Variants in ZNF638 observed in about 807,000 individuals in gnomAD.
ZNF638 encodes the protein CTCL tumor antigen se33-1.
A neutral mutation model predicts 195.6 loss-of-function variants in ZNF638; 46 were observed. The observed-to-expected ratio is 0.24, with a 90% CI of 0.19 to 0.30. ZNF638 has a LOEUF of 0.30. Ranked by LOEUF, ZNF638 falls within the 10% of genes least tolerant of loss-of-function variation. The pLI is 1.00. For synonymous variants in ZNF638, 845 were observed against 772.0 expected, an observed-to-expected ratio of 1.09 and a Z score of -1.57; for missense variants, 2,440 against 2,325.3, an observed-to-expected ratio of 1.05 and a Z score of -1.01.
chr2:71,397,993 G>A lies in ZNF638; in HGVS notation c.2429-708G>A, dbSNP rs545095401. 5.9e-4 allele frequency among the ~76,000 whole-genome samples: 90 copies of A among 152,280 alleles called. 1 individual carries two copies. Among genetic ancestry groups the A allele is most frequent in the Non-Finnish European group, 1.1e-3 (74 of 68,012 alleles). Reference sequence around the variant, plus strand: ...ATCAATTAGGAGCCGTGGAAGTGTGGGTTGGGAGGATCTAGGTTTAACTGC... The same window carrying A: ...ATCAATTAGGAGCCGTGGAAGTGTGAGTTGGGAGGATCTAGGTTTAACTGC... On this transcript the variant is annotated intron_variant, in intron 11 of 27. Coordinates refer to ENST00000264447, the MANE Select transcript of ZNF638 (RefSeq NM_014497.5).
At chr2:71,359,184 C>T (rs768977464) in intron 3 of ZNF638, among the ~76,000 whole-genome samples, 2 of 152,044 alleles carry the variant, frequency 1.3e-5, no homozygotes, top group African/African-American at 4.8e-5. Context: ...ATTATGGAGG[C>T]GGAGAAGTCC....
Position 71,423,849 on chromosome 2 carries a change from C to A in ZNF638, c.4335C>A (p.Ala1445=). The A allele has an allele frequency of 6.2e-7, 1 of 1,614,056 alleles. No homozygotes were observed. Residue 1445 remains alanine, a synonymous_variant, in exon 22 of 28, where the codon GCC becomes GCA. Transcript: ENST00000264447. ...TTGGTCTGCTTAAACCCACAAGTGC[C>A]AGGTCAGGCTTGGCAGAAAGCAGCA... ...KEFGLLKPTS[A]RSGLAESSSK...
rs2080012837 is a variant in ZNF638 at position 71,401,846 on chromosome 2, C to T, written c.2698-110C>T. ...AGCCTCTTGAGTTTATCAGACTTTC[C>T]TCAGTATTAAATGCAACAATATACT... On this transcript the variant is annotated intron_variant, in intron 15 of 27. Transcript: ENST00000264447. 5.3e-6 allele frequency: 5 copies of T among 951,084 alleles called. No individual in the cohort carries two copies. The South Asian group carries it at 1.2e-4, about 22-fold the overall frequency. The allele number at this position is 951,084 out of a possible 1,614,324, so 58.9% of individuals were successfully genotyped here.
intron 11 of ZNF638, among the ~76,000 whole-genome samples, chr2:71,397,907 A>G (rs1463005238): frequency 6.6e-6 from 1 of 152,250 alleles, no homozygotes; most frequent in Non-Finnish European, 1.5e-5. Flanking sequence ...AACTGTAGGA[A>G]TGAGTCAAAA....
At chr2:71,362,627 A>G (rs1023744416) in intron 3 of ZNF638, among the ~76,000 whole-genome samples, 4 of 152,200 alleles carry the variant, frequency 2.6e-5, no homozygotes, top group African/African-American at 4.8e-5. Flanking sequence ...TAGTTTACAT[A>G]TTGCCACTGC....
At chr2:71,359,177 A>G (rs2079069852) in intron 3 of ZNF638, among the ~76,000 whole-genome samples, 2 of 152,184 alleles carry the variant, frequency 1.3e-5, no homozygotes, top group African/African-American at 4.8e-5. Context: ...TTACACAATT[A>G]TGGAGGCGGA....
chr2:71,387,303 A>C (rs1192561075), intron 10 of ZNF638, among the ~76,000 whole-genome samples: 1 of 152,194 alleles, frequency 6.6e-6, no homozygotes, highest in African/African-American at 2.4e-5. Context: ...AATTTGTATG[A>C]TAATATTTCG....
chr2:71,400,367 T>C (rs2079982148), intron 14 of ZNF638, 111 bp from the exon 15 acceptor site: 1 of 1,149,130 alleles, frequency 8.7e-7, no homozygotes, highest in Non-Finnish European at 1.2e-6. Flanking sequence ...ACTAATTCTC[T>C]AGACTTGTTG....
At chr2:71,394,049 G>A (rs775437688) in intron 10 of ZNF638, among the ~76,000 whole-genome samples, 2 of 152,202 alleles carry the variant, frequency 1.3e-5, no homozygotes, top group Non-Finnish European at 2.9e-5. Flanking sequence ...CTGTGCTAAA[G>A]AACAAAGCCA....
At chr2:71,433,523 C>T (rs574370841) in intron 27 of ZNF638, 2 of 368,490 alleles carry the variant, frequency 5.4e-6, no homozygotes, top group Admixed American at 8.9e-5. Flanking sequence ...TCATATGACA[C>T]TCCATTATTA....
At chr2:71,428,005 A>T (rs767834913) in intron 24 of ZNF638, among the ~76,000 whole-genome samples, 1 of 152,162 alleles carries the variant, frequency 6.6e-6, no homozygotes, top group Non-Finnish European at 1.5e-5. Context: ...CAGTCTGGGC[A>T]GCCTAGCAAG....
chr2:71,334,454 CAT>C (rs2078628642), intron 1 of ZNF638: 2 of 152,264 alleles, frequency 1.3e-5, no homozygotes, highest in African/African-American at 4.8e-5. Flanking sequence ...AATAAGCCCT[CAT>C]GTGTATCCAG....
intron 21 of ZNF638, among the ~76,000 whole-genome samples, chr2:71,420,203 C>G (rs2080401823): frequency 6.6e-6 from 1 of 151,738 alleles, no homozygotes; most frequent in Non-Finnish European, 1.5e-5. Context: ...GCTGGTACTA[C>G]ATGCACTTGT....
chr2:71,346,168 A>G (rs948429859), intron 1 of ZNF638, among the ~76,000 whole-genome samples: 2 of 152,236 alleles, frequency 1.3e-5, no homozygotes, highest in Non-Finnish European at 2.9e-5. Flanking sequence ...ACATTATTTG[A>G]AAGAGCTTGT....
At position 71,399,371 on chromosome 2, in the gene ZNF638, G is replaced by A. The variant is rs544139261; in HGVS notation, c.2501-188G>A. On this transcript the variant is annotated intron_variant, in intron 12 of 27. Transcript: ENST00000264447. The stretch of plus-strand genomic sequence containing the variant: ...CATTTGACGGCATCACCAAAAAGTT[G>A]TATCTTGATTTAAATTTGCTTTTAA... Among the ~76,000 whole-genome samples, 3 of 152,246 alleles carry A rather than the reference G, an allele frequency of 2.0e-5. No individual in the cohort carries two copies. In the South Asian group the frequency reaches 6.2e-4, roughly 31 times the overall value.
Position 71,423,925 on chromosome 2 carries a change from A to T in ZNF638, c.4411A>T (p.Ile1471Phe), listed in dbSNP as rs565410467. The change falls in exon 22 of 28, where the codon ATC becomes TTC. Residue 1471 changes from isoleucine to phenylalanine, a missense_variant. This residue lies in a region of ZNF638 where 1,883 missense variants were observed against 1,739.1 expected (regional missense o/e 1.08). Coordinates refer to ENST00000264447, the MANE Select transcript of ZNF638 (RefSeq NM_014497.5). ...TCTTACCAGAGGAGGCAGTGGAAGG[A>T]TCTCAGCCCTGCAAGGCAAGCTTTC... ...SSLTRGGSGR[I>F]SALQGKLSKL... 12 of 1,614,086 alleles carry T rather than the reference A, an allele frequency of 7.4e-6. No individual in the cohort carries two copies. The African/African-American group carries it at 1.5e-4, about 20-fold the overall frequency.
intron 2 of ZNF638, among the ~76,000 whole-genome samples, chr2:71,352,427 G>A (rs376048520): frequency 1.3e-5 from 2 of 150,910 alleles, no homozygotes; most frequent in African/African-American, 2.4e-5. Flanking sequence ...GCAGTGAGCC[G>A]AGATCGCGCC....
Position 71,422,899 on chromosome 2 carries a change from G to A in ZNF638, c.3385G>A (p.Glu1129Lys). 1 of 1,614,092 alleles carries A rather than the reference G, an allele frequency of 6.2e-7. No homozygotes were observed. The highest frequency in any genetic ancestry group is 1.1e-5 in the South Asian group (1 of 91,086). ...SPSVKPNELE[E>K]ESTPSIQTET... ...CTCTGTTAAACCTAATGAGCTTGAA[G>A]AAGAAAGTACTCCCAGCATTCAAAC... Residue 1129 changes from glutamate to lysine, a missense_variant, in exon 22 of 28, where the codon GAA (glutamate) becomes AAA (lysine). Glu to Lys is a moderately conservative substitution (Grantham distance 56, BLOSUM62 1). Transcript: ENST00000264447.
chr2:71,419,974 C>CCCCTTTTT (rs1189202093), intron 21 of ZNF638, among the ~76,000 whole-genome samples: 4 of 27,022 alleles, frequency 1.5e-4, no homozygotes, highest in African/African-American at 3.2e-4. Context: ...CCCCCCCCGC[C>CCCCTTTTT]TTTTTTTTTT....
Sources: allele counts gnomAD v4.1 joint callset (sites outside exome capture counted in the v4.1 genomes callset), GRCh38; gene constraint gnomAD v4.1.1; regional missense constraint gnomAD v4.1.1; transcripts MANE v1.5; gene names NCBI Gene and HGNC (gene_info 2026-07-23, HGNC 2026-07-21).